The following SYTL5 variants were observed in gnomAD, a reference collection of about 807,000 sequenced individuals.
SYTL5 encodes synaptotagmin-like protein 5.
In SYTL5, 34 loss-of-function variants were observed where a neutral mutation model predicts 55.9. The ratio of observed to expected loss-of-function variants is 0.61; its 90% confidence interval spans 0.46 to 0.81. The LOEUF is 0.81. Ranked by LOEUF, SYTL5 falls within the 30% of genes least tolerant of loss-of-function variation. The pLI, the probability that SYTL5 is intolerant of heterozygous loss-of-function variation, is 0.00. For synonymous variants in SYTL5, 221 were observed against 188.7 expected, an observed-to-expected ratio of 1.17 and a Z score of -1.40; for missense variants, 637 against 546.7, an observed-to-expected ratio of 1.17 and a Z score of -1.65.
At chrX:38,073,557 T>C in intron 4 of SYTL5, 33 bp from the exon 5 acceptor site, 1 of 1,038,746 alleles carries the variant, frequency 9.6e-7, no homozygotes, top group Non-Finnish European at 1.3e-6. Context: ...CCATTTTGTA[T>C]GTAAATTTCT....
chrX:38,019,743 C>T (rs752758164), intron 1 of SYTL5, among the ~76,000 whole-genome samples: 13 of 111,290 alleles, frequency 1.2e-4, no homozygotes, highest in Admixed American at 1.9e-4. Context: ...TGCCTCAGCC[C>T]GGGTGCCTCA....
rs767510948 is a variant in SYTL5, at chrX:38,054,405, T to A, written c.312T>A (p.Thr104=). 1.1e-5 allele frequency: 13 copies of A among 1,207,851 alleles called. No individual in the cohort carries two copies. In the African/African-American group the frequency reaches 1.9e-4, roughly 18 times the overall value. The change falls in exon 3 of 17, where the codon ACT becomes ACA. Residue 104 remains threonine (T), a synonymous_variant. Transcript: ENST00000297875. Reference sequence around the variant, plus strand: ...GCCCCAATGGCAGCTGGAAGTGCACTGTCTGTGACAAAATCGCGTGAGTTT... The same window carrying A: ...GCCCCAATGGCAGCTGGAAGTGCACAGTCTGTGACAAAATCGCGTGAGTTT... The part of the protein sequence containing the change: ...VAGPNGSWKC[T]VCDKIAQLRI...
intron 4 of SYTL5, among the ~76,000 whole-genome samples, chrX:38,073,076 G>T (rs1369131742): frequency 8.9e-6 from 1 of 111,782 alleles, no homozygotes; most frequent in Non-Finnish European, 1.9e-5. Flanking sequence ...CAGAGAGATG[G>T]TGTGGAGTAC....
chrX:37,949,010 A>G, the SYTL5 span, among the ~76,000 whole-genome samples: 40 of 111,538 alleles, frequency 3.6e-4, no homozygotes, highest in African/African-American at 1.2e-3. Flanking sequence ...CTGATATGGT[A>G]GCCATTCACA....
intron 1 of SYTL5, among the ~76,000 whole-genome samples, chrX:38,028,191 T>TA (rs1382558243): frequency 8.9e-6 from 1 of 111,811 alleles, no homozygotes; most frequent in Admixed American, 9.5e-5. Context: ...TGATATTCTT[T>TA]ACTTACCACA....
the SYTL5 span, chrX:37,949,117 G>C: frequency 9.0e-6 from 1 of 111,444 alleles, no homozygotes; most frequent in Non-Finnish European, 1.9e-5. Context: ...ATTCTCCCCT[G>C]CCAATGAGAT....
the SYTL5 span, chrX:37,991,032 A>C: frequency 8.3e-7 from 1 of 1,211,746 alleles, no homozygotes; most frequent in Non-Finnish European, 1.1e-6. Flanking sequence ...TGACTACATC[A>C]TGGAGCGGGT....
At chrX:38,097,518 A>G (rs1936965550) in intron 9 of SYTL5, among the ~76,000 whole-genome samples, 1 of 111,042 alleles carries the variant, frequency 9.0e-6, no homozygotes, top group South Asian at 3.7e-4. Context: ...AGTGTAATAC[A>G]TGTGCATTGA....
the SYTL5 span, among the ~76,000 whole-genome samples, chrX:37,966,125 T>C: frequency 1.8e-5 from 2 of 111,761 alleles, no homozygotes; most frequent in African/African-American, 6.6e-5. Flanking sequence ...GAATCATTTA[T>C]TATTGCCATT....
At chrX:38,055,822 G>A (rs191722126) in intron 3 of SYTL5, among the ~76,000 whole-genome samples, 1 of 111,560 alleles carries the variant, frequency 9.0e-6, no homozygotes, top group East Asian at 2.8e-4. Context: ...GAGATAAGTA[G>A]GGTTATTTTT....
chrX:38,030,195 C>T (rs192672536), intron 1 of SYTL5, among the ~76,000 whole-genome samples: 43 of 111,335 alleles, frequency 3.9e-4, no homozygotes, highest in African/African-American at 1.3e-3. Flanking sequence ...TTAGCCTTCC[C>T]CAAAAGTATA....
At chrX:38,032,581 G>A (rs1265495544) in intron 1 of SYTL5, among the ~76,000 whole-genome samples, 1 of 111,402 alleles carries the variant, frequency 9.0e-6, no homozygotes, top group East Asian at 2.8e-4. Context: ...GTCCACCAGA[G>A]GTAATCATGA....
the SYTL5 span, among the ~76,000 whole-genome samples, chrX:37,917,106 A>C: frequency 9.0e-6 from 1 of 111,257 alleles, no homozygotes; most frequent in Non-Finnish European, 1.9e-5. Context: ...TGCCATTCTC[A>C]TAACATCATA....
At chrX:38,055,804 A>G (rs766052030) in intron 3 of SYTL5, among the ~76,000 whole-genome samples, 2 of 111,882 alleles carry the variant, frequency 1.8e-5, no homozygotes, top group African/African-American at 6.5e-5. Flanking sequence ...ATGTTTTAAT[A>G]CTGGATTGAG....
the SYTL5 span, among the ~76,000 whole-genome samples, chrX:37,913,867 C>G: frequency 1.4e-4 from 16 of 112,048 alleles, no homozygotes; most frequent in African/African-American, 4.6e-4. Flanking sequence ...CCTGAATTTC[C>G]TACTTCTATT....
the SYTL5 span, chrX:37,906,380 C>A: frequency 3.6e-5 from 4 of 112,197 alleles, no homozygotes; most frequent in African/African-American, 1.3e-4. Flanking sequence ...TGTCCGAATG[C>A]GGCGTTTATG....
chrX:37,912,626 AC>A, the SYTL5 span, among the ~76,000 whole-genome samples: 1 of 111,905 alleles, frequency 8.9e-6, no homozygotes, highest in East Asian at 2.8e-4. Flanking sequence ...GATGCTGATG[AC>A]TCATCGAAGT....
chrX:37,923,844 A>G, the SYTL5 span, among the ~76,000 whole-genome samples: 52 of 112,010 alleles, frequency 4.6e-4, no homozygotes, highest in Middle Eastern at 4.6e-3. Flanking sequence ...TGACATTCTT[A>G]GTTACCATAA....
At chrX:37,920,766 T>TCC in the SYTL5 span, among the ~76,000 whole-genome samples, 1 of 111,189 alleles carries the variant, frequency 9.0e-6, no homozygotes, top group Non-Finnish European at 1.9e-5. Flanking sequence ...ATTCTGTGTA[T>TCC]CCCCATTCCC....
Sources: gnomAD v4.1 joint callset for allele counts (sites outside exome capture counted in the v4.1 genomes callset) on GRCh38, gnomAD v4.1.1 for gene constraint, MANE v1.5 for transcripts, NCBI Gene and HGNC (gene_info 2026-07-23, HGNC 2026-07-21) for gene names.